C14orf132: variants seen among roughly 807,000 people sequenced by gnomAD.
C14orf132 encodes chromosome 14 open reading frame 132.
In C14orf132, 6 loss-of-function variants were observed where a neutral mutation model predicts 5.8. That is an observed-to-expected ratio of 1.03 (90% CI 0.57 to 2.04). The LOEUF is 2.04. Ranked by LOEUF, C14orf132 falls within the 30% of genes most tolerant of loss-of-function variation. The pLI is 0.00. For missense variants in C14orf132, 125 were observed against 115.8 expected, an observed-to-expected ratio of 1.08 and a Z score of -0.37; for synonymous variants, 51 against 49.8, an observed-to-expected ratio of 1.02 and a Z score of -0.10.
At chr14:96,053,387 G>A (rs1029818783) in intron 1 of C14orf132, among the ~76,000 whole-genome samples, 18 of 152,236 alleles carry the variant, frequency 1.2e-4, no homozygotes, top group Admixed American at 1.2e-3. Flanking sequence ...ACCAAGGAGC[G>A]AGGGCACCAC....
chr14:96,068,349 G>A (rs1231855151), intron 1 of C14orf132, among the ~76,000 whole-genome samples: 1 of 152,220 alleles, frequency 6.6e-6, no homozygotes, highest in Non-Finnish European at 1.5e-5. Flanking sequence ...TTGGGGATTG[G>A]AGAAGGCCTG....
At chr14:96,078,298 G>T (rs1299414388) in intron 1 of C14orf132, among the ~76,000 whole-genome samples, 1 of 152,248 alleles carries the variant, frequency 6.6e-6, no homozygotes, top group Non-Finnish European at 1.5e-5. Context: ...AGAAAAAAGA[G>T]AAAACAAGTA....
At position 96,093,754 on chromosome 14, in the gene C14orf132, C is replaced by A. The variant is rs1479360999; in HGVS notation, c.*7019C>A. Reference sequence around the variant, plus strand: ...AAGACTCTTTCTTAATAAAGGATTTCGCTGTGCTCTTTTGATTAAAAATAT... The same window carrying A: ...AAGACTCTTTCTTAATAAAGGATTTAGCTGTGCTCTTTTGATTAAAAATAT... On this transcript the variant is annotated 3_prime_UTR_variant, in exon 2 of 2. Transcript: ENST00000555004. 6.6e-6 allele frequency: 1 copy of A among 152,220 alleles called. No individual in the cohort carries two copies. Among genetic ancestry groups the A allele is most frequent in the Non-Finnish European group, 1.5e-5 (1 of 68,038 alleles). 9.4% of individuals were successfully genotyped at this position (152,220 alleles called of 1,614,324 possible).
chr14:96,083,852 G>A (rs913585854), intron 1 of C14orf132, among the ~76,000 whole-genome samples: 2 of 152,226 alleles, frequency 1.3e-5, no homozygotes, highest in Non-Finnish European at 2.9e-5. Flanking sequence ...TACCTGCCGG[G>A]AGGCAGAGAA....
At chr14:96,051,911 C>T (rs998151759) in intron 1 of C14orf132, among the ~76,000 whole-genome samples, 4 of 152,222 alleles carry the variant, frequency 2.6e-5, no homozygotes, top group South Asian at 4.1e-4. Flanking sequence ...TTCCTAGGCA[C>T]GAAGACCTGT....
chr14:96,054,832 A>G (rs1887132120), intron 1 of C14orf132, among the ~76,000 whole-genome samples: 1 of 152,168 alleles, frequency 6.6e-6, no homozygotes, highest in Admixed American at 6.5e-5. Context: ...AGGAAAATCT[A>G]TTACCTCCTT....
chr14:96,050,684 T>C (rs1004973740), intron 1 of C14orf132, among the ~76,000 whole-genome samples: 12 of 152,030 alleles, frequency 7.9e-5, no homozygotes, highest in African/African-American at 2.7e-4. Flanking sequence ...GAGAGTCCAT[T>C]GAGCCCTGCC....
chr14:96,079,523 G>A (rs28528838), intron 1 of C14orf132, among the ~76,000 whole-genome samples: 33,452 of 151,928 alleles, frequency 0.22, 4,027 homozygotes, highest in Non-Finnish European at 0.27. Context: ...GAGCCCTTCC[G>A]AAGTCATGAG....
At chr14:96,047,862 C>T (rs768967467) in intron 1 of C14orf132, among the ~76,000 whole-genome samples, 9 of 152,162 alleles carry the variant, frequency 5.9e-5, no homozygotes, top group Non-Finnish European at 1.2e-4. Context: ...GTGCATTTGC[C>T]ACAACTGACT....
rs1888477519 is a variant in C14orf132 at position 96,093,342 on chromosome 14, T to C, written c.*6607T>C. On this transcript the variant is annotated 3_prime_UTR_variant, in exon 2 of 2. Transcript: ENST00000555004. ...CTCCAGGGACCTGGCCCCTCACCAA[T>C]GCATATGAAGAGTATGCTTGGGGAA... 6.6e-6 allele frequency: 1 copy of C among 152,248 alleles called. No homozygotes were observed. The highest frequency in any genetic ancestry group is 1.5e-5 in the Non-Finnish European group (1 of 68,054). The allele number at this position is 152,248 out of a possible 1,614,324, so 9.4% of individuals were successfully genotyped here.
Position 96,055,824 on chromosome 14 carries a change from C to T in C14orf132, c.27+16297C>T, listed in dbSNP as rs544376747. ...CACTTAAATCTCTTTCCTTCACTAT[C>T]CCTCCCCGACTTAGTCCTCTGGCTC... On this transcript the variant is annotated intron_variant, in intron 1 of 1. Coordinates refer to ENST00000555004, the MANE Select transcript of C14orf132 (RefSeq NM_001252507.3). 3.0e-4 allele frequency among the ~76,000 whole-genome samples: 46 copies of T among 152,290 alleles called. No homozygotes were observed. In the South Asian group the frequency reaches 8.5e-3, roughly 28 times the overall value.
intron 1 of C14orf132, among the ~76,000 whole-genome samples, chr14:96,066,205 T>G (rs576933632): frequency 1.3e-5 from 2 of 152,290 alleles, no homozygotes; most frequent in East Asian, 3.9e-4. Flanking sequence ...GTCCCCTGAA[T>G]TCTCACCATG....
chr14:96,043,586 C>T (rs754097387), intron 1 of C14orf132, among the ~76,000 whole-genome samples: 34 of 152,162 alleles, frequency 2.2e-4, no homozygotes, highest in Non-Finnish European at 1.6e-4. Context: ...GTCTCACCTC[C>T]GATACTCCCA....
At chr14:96,077,806 T>C (rs1887919341) in intron 1 of C14orf132, among the ~76,000 whole-genome samples, 1 of 152,248 alleles carries the variant, frequency 6.6e-6, no homozygotes, top group South Asian at 2.1e-4. Context: ...CGTTTGGGTG[T>C]GTCTTGCAGG....
chr14:96,051,639 G>A (rs1487078181), intron 1 of C14orf132, among the ~76,000 whole-genome samples: 3 of 152,292 alleles, frequency 2.0e-5, no homozygotes, highest in Admixed American at 1.3e-4. Flanking sequence ...CCCTGAAACC[G>A]TCTCTCTGCA....
At chr14:96,075,184 T>C (rs1887827351) in intron 1 of C14orf132, among the ~76,000 whole-genome samples, 1 of 152,192 alleles carries the variant, frequency 6.6e-6, no homozygotes. Flanking sequence ...TAAATGGTGC[T>C]TTTTGGCTAA....
At position 96,049,572 on chromosome 14, in the gene C14orf132, A is replaced by G. The variant is rs1413309900; in HGVS notation, c.27+10045A>G. 5.5e-4 allele frequency among the ~76,000 whole-genome samples: 68 copies of G among 123,816 alleles called. 1 individual carries two copies. The highest frequency in any genetic ancestry group is 1.4e-3 in the African/African-American group (53 of 36,828). The allele number at this position is 123,816 out of a possible 152,430, so 81.2% of individuals were successfully genotyped here. On this transcript the variant is annotated intron_variant, in intron 1 of 1. Transcript: ENST00000555004. ...TATATACATATATACGTATATATAC[A>G]TATATACGTATATATATACATATAT...
rs966259193 is a variant in C14orf132 at position 96,087,073 on chromosome 14, C to A, written c.*338C>A. On this transcript the variant is annotated 3_prime_UTR_variant, in exon 2 of 2. Transcript: ENST00000555004. ...AAACATAGACATGATTTGATGATCG[C>A]TTGCTGGTGGTAAATAATCACTCGT... 3.0e-6 allele frequency: 1 copy of A among 332,522 alleles called. No homozygotes were observed. The highest frequency in any genetic ancestry group is 6.7e-5 in the East Asian group (1 of 14,950). The allele number at this position is 332,522 out of a possible 1,614,324, so 20.6% of individuals were successfully genotyped here.
intron 1 of C14orf132, among the ~76,000 whole-genome samples, chr14:96,063,046 T>A (rs553946724): frequency 2.0e-5 from 3 of 151,996 alleles, no homozygotes; most frequent in East Asian, 1.9e-4. Context: ...CAGAAAAAAA[T>A]TTTTTCATCT....
Sources: allele counts gnomAD v4.1 joint callset (sites outside exome capture counted in the v4.1 genomes callset), GRCh38; gene constraint gnomAD v4.1.1; transcripts MANE v1.5; gene names NCBI Gene and HGNC (gene_info 2026-07-23, HGNC 2026-07-21).